The following MOB3B variants were observed in gnomAD, a reference collection of about 807,000 sequenced individuals.
MOB3B encodes MOB kinase activator-like 2B.
A neutral mutation model predicts 18.7 loss-of-function variants in MOB3B; 7 were observed. The observed-to-expected ratio is 0.37, with a 90% CI of 0.21 to 0.70. The LOEUF (loss-of-function observed/expected upper bound fraction) is 0.70. Among genes scored for constraint, MOB3B ranks in the 30% least tolerant of loss-of-function variants. The probability of loss-of-function intolerance (pLI) is 0.52; values close to 1 mark genes in which losing one functional copy is unlikely to be tolerated. For synonymous variants in MOB3B, 111 were observed against 99.9 expected (o/e 1.11, Z -0.66); for missense variants, 253 against 281.3 (o/e 0.90, Z 0.72).
At chr9:27,485,093 G>C (rs1819715025) in intron 1 of MOB3B, among the ~76,000 whole-genome samples, 1 of 152,024 alleles carries the variant, frequency 6.6e-6, no homozygotes. Context: ...ATGTCTCAAG[G>C]GCATCCAGTC....
chr9:27,399,381 G>A (rs1027802715), intron 2 of MOB3B, among the ~76,000 whole-genome samples: 1 of 152,136 alleles, frequency 6.6e-6, no homozygotes, highest in Non-Finnish European at 1.5e-5. Context: ...AGCACACAAG[G>A]GCAGGTGGAA....
chr9:27,423,276 G>C (rs999045721), intron 2 of MOB3B, among the ~76,000 whole-genome samples: 1 of 152,102 alleles, frequency 6.6e-6, no homozygotes, highest in Non-Finnish European at 1.5e-5. Flanking sequence ...TGAATGAACT[G>C]CTAAACATTA....
chr9:27,390,261 A>C (rs1453585425), intron 2 of MOB3B, among the ~76,000 whole-genome samples: 1 of 151,782 alleles, frequency 6.6e-6, no homozygotes, highest in East Asian at 1.9e-4. Flanking sequence ...CTAATTATAT[A>C]TATTTTTGAG....
intron 2 of MOB3B, among the ~76,000 whole-genome samples, chr9:27,401,293 CTT>C (rs1241970561): frequency 6.6e-6 from 1 of 152,194 alleles, no homozygotes; most frequent in African/African-American, 2.4e-5. Flanking sequence ...GACCCTGTGA[CTT>C]TTCGATTCAA....
At chr9:27,363,821 A>G (rs2131360441) in intron 2 of MOB3B, among the ~76,000 whole-genome samples, 1 of 152,194 alleles carries the variant, frequency 6.6e-6, no homozygotes, top group East Asian at 1.9e-4. Flanking sequence ...AGCTCACTGC[A>G]GCCTCAGCCT....
intron 1 of MOB3B, among the ~76,000 whole-genome samples, chr9:27,468,044 TTAGCAGAGACTCTTCGTGACATTAG>T (rs1358005740): frequency 6.6e-6 from 1 of 152,262 alleles, no homozygotes; most frequent in Non-Finnish European, 1.5e-5. Context: ...GCTGTTTTTG[TTAGCAGAGACTCTTCGTGACATTAG>T]TTCAACAAGA....
chr9:27,358,504 A>G (rs34124014), intron 3 of MOB3B, among the ~76,000 whole-genome samples: 1,687 of 152,320 alleles, frequency 0.011, 41 homozygotes, highest in East Asian at 0.11. Context: ...GGAAAACTCA[A>G]TGTGAAAAGC....
intron 2 of MOB3B, among the ~76,000 whole-genome samples, chr9:27,393,372 AGTGTGT>A (rs35949017): frequency 1.1e-4 from 16 of 148,756 alleles, no homozygotes; most frequent in South Asian, 8.6e-4. Context: ...GGTGCAGAGA[AGTGTGT>A]GTGTGTGTGT....
chr9:27,432,276 T>C (rs567015142), intron 2 of MOB3B, among the ~76,000 whole-genome samples: 1 of 152,204 alleles, frequency 6.6e-6, no homozygotes, highest in African/African-American at 2.4e-5. Flanking sequence ...TTTTTCTCTA[T>C]GTGCTGAATT....
intron 2 of MOB3B, chr9:27,421,737 T>G (rs1347379643): frequency 6.6e-6 from 1 of 152,330 alleles, no homozygotes; most frequent in Non-Finnish European, 1.5e-5. Flanking sequence ...CCAAATGTGG[T>G]TCCACCCCAG....
In MOB3B at chr9:27,329,059, T is replaced by G. The variant is rs1423146064; in HGVS notation, c.*1528A>C. ...AGCCCTTTCTTAGCTTGGACAAAGA[T>G]TTCATGATTCTAGTCTTTTGTGGCA... is the stretch of plus-strand genomic sequence containing the variant. On this transcript the variant is annotated 3_prime_UTR_variant, in exon 4 of 4. Coordinates refer to ENST00000262244, the MANE Select transcript of MOB3B (RefSeq NM_024761.5). The G allele has an allele frequency of 6.6e-6, 1 of 152,270 alleles. No individual in the cohort carries two copies. Among genetic ancestry groups the G allele is most frequent in the Non-Finnish European group, 1.5e-5 (1 of 68,016 alleles). 9.4% of individuals were successfully genotyped at this position (152,270 alleles called of 1,614,324 possible). A position where few individuals can be genotyped will look rare whatever the true frequency, so the allele number is the denominator to read the frequency against.
chr9:27,393,021 C>T (rs1821748723), intron 2 of MOB3B, among the ~76,000 whole-genome samples: 2 of 152,180 alleles, frequency 1.3e-5, no homozygotes, highest in African/African-American at 4.8e-5. Context: ...GGCTGATTAA[C>T]TGATTGTCCC....
chr9:27,440,097 A>G (rs909757083), intron 2 of MOB3B, among the ~76,000 whole-genome samples: 9 of 152,230 alleles, frequency 5.9e-5, no homozygotes, highest in African/African-American at 1.7e-4. Flanking sequence ...AGGCAGGTGT[A>G]AGATTGGTCT....
chr9:27,458,698 A>C (rs1780793199), intron 1 of MOB3B, among the ~76,000 whole-genome samples: 1 of 150,988 alleles, frequency 6.6e-6, no homozygotes, highest in African/African-American at 2.4e-5. Flanking sequence ...CCGTAGGTGC[A>C]TGCCACAATG....
At chr9:27,355,938 T>G (rs919791196) in intron 3 of MOB3B, among the ~76,000 whole-genome samples, 3 of 152,162 alleles carry the variant, frequency 2.0e-5, no homozygotes, top group Non-Finnish European at 2.9e-5. Flanking sequence ...TTTGAATAGG[T>G]GCATTGCAAC....
intron 3 of MOB3B, among the ~76,000 whole-genome samples, chr9:27,356,660 CT>C: frequency 6.6e-6 from 1 of 152,268 alleles, no homozygotes; most frequent in East Asian, 1.9e-4. Flanking sequence ...TCCACAGCCT[CT>C]TCCTTCTTGT....
At chr9:27,466,508 T>G (rs1819384781) in intron 1 of MOB3B, among the ~76,000 whole-genome samples, 1 of 152,220 alleles carries the variant, frequency 6.6e-6, no homozygotes, top group African/African-American at 2.4e-5. Context: ...TTCGGGTATC[T>G]TTTCAGCAAC....
intron 1 of MOB3B, among the ~76,000 whole-genome samples, chr9:27,510,020 C>T (rs931349155): frequency 6.6e-6 from 1 of 152,222 alleles, no homozygotes; most frequent in African/African-American, 2.4e-5. Context: ...CCACTGCACC[C>T]AGCCTCCAAC....
chr9:27,366,576 G>A (rs779010050), intron 2 of MOB3B, among the ~76,000 whole-genome samples: 3 of 152,160 alleles, frequency 2.0e-5, no homozygotes, highest in Non-Finnish European at 2.9e-5. Context: ...GAAATGCTTC[G>A]GTTGACGAAG....
Sources: allele counts gnomAD v4.1 joint callset (sites outside exome capture counted in the v4.1 genomes callset), GRCh38; gene constraint gnomAD v4.1.1; transcripts MANE v1.5; gene names NCBI Gene and HGNC (gene_info 2026-07-23, HGNC 2026-07-21).